Variants in ELAPOR2 observed in about 807,000 individuals in gnomAD.
ELAPOR2 encodes the protein endosome/lysosome-associated apoptosis and autophagy regulator family member 2.
Under a neutral mutation model 120.7 loss-of-function variants are expected in ELAPOR2, and 89 were observed. That is an observed-to-expected ratio of 0.74 (90% CI 0.62 to 0.88). The LOEUF (loss-of-function observed/expected upper bound fraction) is 0.88. Among genes scored for constraint, ELAPOR2 ranks in the 40% least tolerant of loss-of-function variants. ELAPOR2 has a pLI of 0.00. For synonymous variants in ELAPOR2, 444 were observed against 444.9 expected (o/e 1.00, Z 0.03); for missense variants, 1,134 against 1,251.6 (o/e 0.91, Z 1.42).
chr7:86,911,600 C>A (rs1423947665), intron 15 of ELAPOR2: 1 of 455,118 alleles, frequency 2.2e-6, no homozygotes, highest in East Asian at 7.0e-5. Context: ...AATAAAATCC[C>A]ATTTGTATGA....
intron 1 of ELAPOR2, among the ~76,000 whole-genome samples, chr7:87,049,057 C>T (rs1795028091): frequency 6.6e-6 from 1 of 152,188 alleles, no homozygotes; most frequent in South Asian, 2.1e-4. Flanking sequence ...ATTCATTCAA[C>T]AAGCATTTAT....
chr7:87,043,008 T>C (rs1226152704), intron 1 of ELAPOR2, among the ~76,000 whole-genome samples: 1 of 152,144 alleles, frequency 6.6e-6, no homozygotes, highest in Non-Finnish European at 1.5e-5. Context: ...CTAGAAAATC[T>C]AGAAGAAATG....
At chr7:86,964,241 C>A (rs1791824248) in intron 2 of ELAPOR2, among the ~76,000 whole-genome samples, 1 of 151,822 alleles carries the variant, frequency 6.6e-6, no homozygotes, top group Non-Finnish European at 1.5e-5. Context: ...ACCCCTAACT[C>A]ACTAAATTAA....
At chr7:86,986,676 A>T (rs901014076) in intron 1 of ELAPOR2, among the ~76,000 whole-genome samples, 3 of 150,972 alleles carry the variant, frequency 2.0e-5, no homozygotes, top group Middle Eastern at 3.2e-3. Flanking sequence ...ACTACAAACC[A>T]CTGCTCAACG....
chr7:86,921,717 C>A (rs992184102), intron 10 of ELAPOR2, among the ~76,000 whole-genome samples: 4 of 152,078 alleles, frequency 2.6e-5, no homozygotes, highest in African/African-American at 9.7e-5. Flanking sequence ...CTGCTCTGAA[C>A]CCCCTGACTC....
chr7:86,973,035 G>A lies in ELAPOR2; in HGVS notation c.190-8011C>T, dbSNP rs545788775. Among the ~76,000 whole-genome samples, 14 of 152,152 alleles carry A rather than the reference G, an allele frequency of 9.2e-5. No homozygotes were observed. The South Asian group carries it at 2.9e-3, about 32-fold the overall frequency. ...ATAGTAGGCAAGGGTCATCCTCATG[G>A]CTACTGACCTATTTCAATCTCATCT... is the stretch of plus-strand genomic sequence containing the variant. On this transcript the variant is annotated intron_variant, in intron 1 of 21. Coordinates refer to ENST00000450689, the MANE Select transcript of ELAPOR2 (RefSeq NM_001142749.3).
At chr7:87,035,444 A>AAGG (rs1262135836) in intron 1 of ELAPOR2, among the ~76,000 whole-genome samples, 1 of 152,234 alleles carries the variant, frequency 6.6e-6, no homozygotes, top group Non-Finnish European at 1.5e-5. Context: ...TATAGCAATT[A>AAGG]TAGCATTATG....
intron 1 of ELAPOR2, among the ~76,000 whole-genome samples, chr7:86,991,511 A>C (rs1420175560): frequency 6.6e-6 from 1 of 152,200 alleles, no homozygotes; most frequent in Admixed American, 6.5e-5. Context: ...ACAGTCTTCT[A>C]CTTTCAAAAC....
chr7:86,999,442 G>A (rs1018538254), intron 1 of ELAPOR2, among the ~76,000 whole-genome samples: 5 of 152,136 alleles, frequency 3.3e-5, no homozygotes, highest in Admixed American at 6.5e-5. Context: ...CTAATCTTAA[G>A]TGAAATATTC....
chr7:86,997,010 C>A (rs918191539), intron 1 of ELAPOR2, among the ~76,000 whole-genome samples: 5 of 152,172 alleles, frequency 3.3e-5, no homozygotes, highest in African/African-American at 7.2e-5. Context: ...GCAGTGTTTA[C>A]TTTTATAAGG....
chr7:86,911,604 T>G, intron 15 of ELAPOR2: 2 of 455,570 alleles, frequency 4.4e-6, no homozygotes, highest in South Asian at 3.1e-5. Context: ...AAATCCCATT[T>G]GTATGATTTA....
chr7:86,982,735 A>G (rs1467993650), intron 1 of ELAPOR2, among the ~76,000 whole-genome samples: 1 of 152,240 alleles, frequency 6.6e-6, no homozygotes, highest in East Asian at 1.9e-4. Context: ...GGGAGAAACC[A>G]GAGGAGAAAA....
rs558542053 is a variant in ELAPOR2 at position 86,964,016 on chromosome 7, C to T, written c.310+888G>A. Among the ~76,000 whole-genome samples, 5 of 152,320 alleles carry T rather than the reference C, an allele frequency of 3.3e-5. No homozygotes were observed. In the East Asian group the frequency reaches 7.7e-4, roughly 23 times the overall value. On this transcript the variant is annotated intron_variant, in intron 2 of 21. Transcript: ENST00000450689. Reference sequence around the variant, plus strand: ...AGTAAATCCACCAATTATGCTAAAACTCCTCCAGCTAGTGACAGAGGAATG... The same window carrying T: ...AGTAAATCCACCAATTATGCTAAAATTCCTCCAGCTAGTGACAGAGGAATG...
chr7:87,032,991 T>A (rs935842876), intron 1 of ELAPOR2, among the ~76,000 whole-genome samples: 4 of 152,064 alleles, frequency 2.6e-5, no homozygotes, highest in Middle Eastern at 3.2e-3. Context: ...AAAAAAGAAA[T>A]CATGTGAAAA....
intron 1 of ELAPOR2, among the ~76,000 whole-genome samples, chr7:87,019,335 T>C (rs185110308): frequency 6.6e-6 from 1 of 152,228 alleles, no homozygotes; most frequent in East Asian, 1.9e-4. Context: ...ATTTAAGTTT[T>C]TGTATTTTTT....
chr7:87,052,232 A>G (rs1795127895), intron 1 of ELAPOR2, among the ~76,000 whole-genome samples: 1 of 152,220 alleles, frequency 6.6e-6, no homozygotes. Context: ...TAATGGACCT[A>G]TAGTTTCAGT....
chr7:86,916,955 ATTTTTTTTTTTTTTTT>A lies in ELAPOR2; in HGVS notation c.1593+1471_1593+1486del, dbSNP rs58682563. Among the ~76,000 whole-genome samples, 16 of 86,684 alleles carry A rather than the reference ATTTTTTTTTTTTTTTT, an allele frequency of 1.8e-4. No homozygotes were observed. The South Asian group carries it at 5.3e-3, about 28-fold the overall frequency. The allele number at this position is 86,684 out of a possible 152,430, so 56.9% of individuals were successfully genotyped here. On this transcript the variant is annotated intron_variant, in intron 12 of 21. Transcript: ENST00000450689. ...AGGCATGCGCCATTGTGGCCAGCTA[ATTTTTTTTTTTTTTTT>A]TTTTTTTTTTTTTGGGTAGAGATGG...
Position 86,914,830 on chromosome 7 carries a change from C to A in ELAPOR2, c.1624G>T (p.Glu542Ter). The change falls in exon 13 of 22, where the codon GAA becomes TAA. Residue 542 changes from glutamate to a stop codon, truncating the protein, a stop_gained. Transcript: ENST00000450689. LOFTEE classifies it high-confidence loss of function. ...DINRKSTNVV[E>*]SWGGTKEKQA... Reference sequence around the variant, plus strand: ...TTTTCTTTGGTTCCACCCCACGATTCTACCACATTTGTACTTTTTCTATTA... The same window carrying A: ...TTTTCTTTGGTTCCACCCCACGATTATACCACATTTGTACTTTTTCTATTA... 6.2e-7 allele frequency: 1 copy of A among 1,610,958 alleles called. No individual in the cohort carries two copies.
intron 1 of ELAPOR2, among the ~76,000 whole-genome samples, chr7:87,040,793 C>T (rs1220722808): frequency 6.6e-6 from 1 of 152,164 alleles, no homozygotes; most frequent in Admixed American, 6.5e-5. Flanking sequence ...GAGAAGAAGG[C>T]TTCAGACAAT....
Sources: allele counts gnomAD v4.1 joint callset (sites outside exome capture counted in the v4.1 genomes callset), GRCh38; gene constraint gnomAD v4.1.1; transcripts MANE v1.5; gene names NCBI Gene and HGNC (gene_info 2026-07-23, HGNC 2026-07-21).